ANKS6: variants seen among roughly 807,000 people sequenced by gnomAD.
The protein encoded by ANKS6 is ankyrin repeat and SAM domain-containing protein 6.
ANKS6 carries 47 observed loss-of-function variants against 77.9 expected under a neutral mutation model. The observed-to-expected ratio is 0.60, with a 90% CI of 0.48 to 0.77. The LOEUF (loss-of-function observed/expected upper bound fraction) is 0.77. ANKS6 is among the 30% of genes least tolerant of loss of function. The probability of loss-of-function intolerance (pLI) is 0.00; values close to 1 mark genes in which losing one functional copy is unlikely to be tolerated. For missense variants in ANKS6, 1,150 were observed against 1,159.1 expected (o/e 0.99, Z 0.11); for synonymous variants, 488 against 501.7 (o/e 0.97, Z 0.37).
rs1248637634 is a variant in ANKS6 at position 98,773,959 on chromosome 9, T to C, written c.1739A>G (p.Asn580Ser). The C allele has an allele frequency of 6.3e-7, 1 of 1,575,670 alleles. No homozygotes were observed. The highest frequency in any genetic ancestry group is 8.6e-7 in the Non-Finnish European group (1 of 1,160,206). Residue 580 changes from asparagine (N) to serine (S), a missense_variant, in exon 9 of 15, where the codon AAC (asparagine) becomes AGC (serine). By Grantham distance (46) the Asn-to-Ser change is conservative. Transcript: ENST00000353234. ...AGTCTTCATGGGGTCTGCCTTCCCG[T>C]TGTGACGCGTCCGGGACCGATCAGA... is the stretch of plus-strand genomic sequence containing the variant. ...WSSDRSRTRH[N>S]GKADPMKTAL... is the part of the protein sequence containing the mutation.
At chr9:98,738,144 A>C (rs1400393524) in intron 14 of ANKS6, among the ~76,000 whole-genome samples, 1 of 152,244 alleles carries the variant, frequency 6.6e-6, no homozygotes, top group African/African-American at 2.4e-5. Flanking sequence ...AGAAGGTAAC[A>C]TTGGAAAAAC....
intron 14 of ANKS6, among the ~76,000 whole-genome samples, chr9:98,738,941 G>A (rs749408519): frequency 3.3e-5 from 5 of 152,196 alleles, no homozygotes; most frequent in Non-Finnish European, 7.3e-5. Context: ...AATGGTATTC[G>A]CAGTGACCTG....
intron 5 of ANKS6, among the ~76,000 whole-genome samples, chr9:98,780,866 C>T (rs553454898): frequency 9.9e-5 from 15 of 152,014 alleles, no homozygotes; most frequent in African/African-American, 3.6e-4. Flanking sequence ...AGAAACTACT[C>T]CAAACTATTA....
intron 2 of ANKS6, chr9:98,789,845 C>G: frequency 2.2e-6 from 1 of 444,570 alleles, no homozygotes. Context: ...GAATGATGTG[C>G]TTGGGGAGAG....
At chr9:98,795,979 T>A (rs1835152774) in intron 1 of ANKS6, 154 bp downstream of exon 1, 2 of 783,514 alleles carry the variant, frequency 2.6e-6, no homozygotes, top group African/African-American at 3.6e-5. Flanking sequence ...ACGTCTATGC[T>A]CAAAGTTTAC....
At chr9:98,771,087 C>A in intron 9 of ANKS6, 41 bp from the exon 10 acceptor site, 1 of 1,460,998 alleles carries the variant, frequency 6.8e-7, no homozygotes, top group South Asian at 1.5e-5. Context: ...GGAGGCTGCT[C>A]CTCCCTCCAG....
At chr9:98,759,430 T>C (rs755095469) in intron 11 of ANKS6, among the ~76,000 whole-genome samples, 3 of 152,232 alleles carry the variant, frequency 2.0e-5, no homozygotes, top group African/African-American at 4.8e-5. Flanking sequence ...TCTGACATGA[T>C]CTATCCAAAC....
At chr9:98,792,201 T>A (rs1834937469) in intron 1 of ANKS6, among the ~76,000 whole-genome samples, 1 of 152,072 alleles carries the variant, frequency 6.6e-6, no homozygotes, top group Non-Finnish European at 1.5e-5. Flanking sequence ...TCTCCTGTCC[T>A]CATCTACTCA....
At chr9:98,743,977 C>T (rs1374321535) in intron 14 of ANKS6, among the ~76,000 whole-genome samples, 4 of 152,178 alleles carry the variant, frequency 2.6e-5, no homozygotes, top group African/African-American at 9.7e-5. Context: ...CTCTGACAAC[C>T]TCCATACCTG....
rs200049920 is a variant in ANKS6, at chr9:98,778,286, G to T, written c.1507C>A (p.Pro503Thr). Residue 503 changes from proline (P) to threonine (T), a missense_variant, in exon 7 of 15, where the codon CCC (proline) becomes ACC (threonine). Physicochemically the swap from Pro to Thr is conservative, Grantham distance 38. Transcript: ENST00000353234. The stretch of plus-strand genomic sequence containing the variant: ...GCAGAGCGGCTTGTCTTGTCCTGGG[G>T]GGCAGCCCTCATTGTGGAGTCCAGA... ...PALDSTMRAA[P>T]QDKTSRSALP... is the part of the protein sequence containing the mutation. 6 of 1,614,038 alleles carry T rather than the reference G, an allele frequency of 3.7e-6. No homozygotes were observed. In the African/African-American group the frequency reaches 8.0e-5, roughly 22 times the overall value.
intron 5 of ANKS6, among the ~76,000 whole-genome samples, chr9:98,780,571 A>T (rs1834188452): frequency 6.6e-6 from 1 of 152,212 alleles, no homozygotes; most frequent in Non-Finnish European, 1.5e-5. Context: ...TCTCATGAGG[A>T]AGGCAGGGGG....
At chr9:98,739,758 A>ATTTTTTTTTTTTTTTTTTTTTTT (rs749499336) in intron 14 of ANKS6, among the ~76,000 whole-genome samples, 3 of 88,866 alleles carry the variant, frequency 3.4e-5, no homozygotes, top group African/African-American at 5.2e-5. Flanking sequence ...TGGATTAAAC[A>ATTTTTTTTTTTTTTTTTTTTTTT]TTTTTTTTTT....
chr9:98,779,690 G>T (rs1057261049), intron 6 of ANKS6, among the ~76,000 whole-genome samples: 4 of 151,738 alleles, frequency 2.6e-5, no homozygotes, highest in African/African-American at 9.7e-5. Flanking sequence ...TTGAGACGGA[G>T]TTTCGCTCTG....
intron 8 of ANKS6, among the ~76,000 whole-genome samples, chr9:98,776,463 C>T (rs913195569): frequency 6.6e-6 from 1 of 150,684 alleles, no homozygotes; most frequent in Non-Finnish European, 1.5e-5. Flanking sequence ...AGCAATGGCA[C>T]GAGCTTGGTT....
intron 5 of ANKS6, 33 bp downstream of exon 5, chr9:98,782,434 T>G: frequency 6.3e-7 from 1 of 1,587,148 alleles, no homozygotes. Flanking sequence ...AAACGCTGGG[T>G]AGATTTACAA....
rs909500394 is a variant in ANKS6, at chr9:98,780,078, C to T, written c.1368+111G>A. 1.3e-5 allele frequency: 19 copies of T among 1,459,720 alleles called. No individual in the cohort carries two copies. The African/African-American group carries it at 2.5e-4, about 19-fold the overall frequency. 90.4% of individuals were successfully genotyped at this position (1,459,720 alleles called of 1,614,324 possible). On this transcript the variant is annotated intron_variant, in intron 6 of 14. Transcript: ENST00000353234. ...CTCAATGCCAGCTCACCTGCCACCC[C>T]TGCAGGGACTCCCTAGCATAAACCA...
At chr9:98,787,372 C>CT (rs564456975) in intron 2 of ANKS6, among the ~76,000 whole-genome samples, 16,864 of 141,154 alleles carry the variant, frequency 0.12, 1,044 homozygotes, top group South Asian at 0.16. Context: ...TTACACTGCC[C>CT]TTTTTTTTTT....
chr9:98,736,938 G>A (rs1289538787), intron 14 of ANKS6, among the ~76,000 whole-genome samples: 1 of 152,148 alleles, frequency 6.6e-6, no homozygotes, highest in Non-Finnish European at 1.5e-5. Flanking sequence ...CCGGATTCGA[G>A]GTCTCCTTTC....
intron 5 of ANKS6, 96 bp downstream of exon 5, chr9:98,782,371 G>C: frequency 8.9e-7 from 1 of 1,126,178 alleles, no homozygotes; most frequent in Non-Finnish European, 1.3e-6. Flanking sequence ...GAATAAGCAA[G>C]TGCTTAAAAC....
Sources: allele counts gnomAD v4.1 joint callset (sites outside exome capture counted in the v4.1 genomes callset), GRCh38; gene constraint gnomAD v4.1.1; transcripts MANE v1.5; gene names NCBI Gene and HGNC (gene_info 2026-07-23, HGNC 2026-07-21).